DCDC1: variants seen among roughly 807,000 people sequenced by gnomAD.
DCDC1 encodes the protein doublecortin domain containing 1, also known as doublecortin domain-containing protein 1.
A neutral mutation model predicts 178.3 loss-of-function variants in DCDC1; 200 were observed. That is an observed-to-expected ratio of 1.12 (90% CI 1.00 to 1.26). The LOEUF (loss-of-function observed/expected upper bound fraction) is 1.26, where lower values mean the gene tolerates loss of function less well. DCDC1 is among the 50% of genes most tolerant of loss of function. DCDC1 has a pLI of 0.00. For missense variants in DCDC1, 1,983 were observed against 1,749.2 expected (o/e 1.13, Z -2.38); for synonymous variants, 690 against 604.8 (o/e 1.14, Z -2.07).
chr11:31,268,856 T>C (rs1208253859), intron 7 of DCDC1, among the ~76,000 whole-genome samples: 1 of 152,204 alleles, frequency 6.6e-6, no homozygotes, highest in Admixed American at 6.5e-5. Context: ...GCGTTCCTTT[T>C]CTCCACAGCC....
At chr11:31,102,931 C>T (rs182107550) in intron 14 of DCDC1, among the ~76,000 whole-genome samples, 10 of 152,270 alleles carry the variant, frequency 6.6e-5, no homozygotes, top group Admixed American at 4.6e-4. Flanking sequence ...CATGTACCAG[C>T]TGTGTGACTT....
Position 31,250,415 on chromosome 11 carries a change from C to CACACACACACACACAT in DCDC1, c.1055-8800_1055-8799insATGTGTGTGTGTGTGT, listed in dbSNP as rs1223526182. On this transcript the variant is annotated intron_variant, in intron 8 of 38. Coordinates refer to ENST00000684477, the MANE Select transcript of DCDC1 (RefSeq NM_001387274.1). The stretch of plus-strand genomic sequence containing the variant: ...ACACACACACACACACACACACACA[C>CACACACACACACACAT]ATATACATATATATGTATATATATA... 6.8e-5 allele frequency among the ~76,000 whole-genome samples: 5 copies of CACACACACACACACAT among 73,672 alleles called. 1 individual carries two copies. Among genetic ancestry groups the CACACACACACACACAT allele is most frequent in the Non-Finnish European group, 1.1e-4 (4 of 35,340 alleles). The allele number at this position is 73,672 out of a possible 152,430, so 48.3% of individuals were successfully genotyped here.
At chr11:30,985,680 G>A (rs2134854303) in intron 20 of DCDC1, among the ~76,000 whole-genome samples, 1 of 152,210 alleles carries the variant, frequency 6.6e-6, no homozygotes, top group East Asian at 1.9e-4. Flanking sequence ...CACTGAGGAA[G>A]GTGGGGCCCA....
chr11:31,135,140 C>T (rs1019624487), intron 10 of DCDC1, among the ~76,000 whole-genome samples: 1 of 152,162 alleles, frequency 6.6e-6, no homozygotes, highest in African/African-American at 2.4e-5. Flanking sequence ...TAAGATAAAA[C>T]TGTAGGCAGT....
chr11:31,188,479 G>T (rs767776385), intron 9 of DCDC1, among the ~76,000 whole-genome samples: 2 of 152,066 alleles, frequency 1.3e-5, no homozygotes, highest in African/African-American at 2.4e-5. Context: ...AGACAACAAG[G>T]GCGTACGTAA....
intron 3 of DCDC1, among the ~76,000 whole-genome samples, chr11:31,310,503 T>C (rs1416838941): frequency 2.0e-5 from 3 of 151,804 alleles, no homozygotes; most frequent in African/African-American, 7.3e-5. Context: ...GTATTTTTAG[T>C]AGAGACGGTG....
chr11:31,061,245 T>C (rs1200823429), intron 20 of DCDC1, among the ~76,000 whole-genome samples: 1 of 152,102 alleles, frequency 6.6e-6, no homozygotes, highest in Non-Finnish European at 1.5e-5. Context: ...TCCCAGTCCT[T>C]CTCCACCCCC....
At chr11:31,076,335 CTTAAT>C (rs972710106) in intron 18 of DCDC1, among the ~76,000 whole-genome samples, 68 of 151,624 alleles carry the variant, frequency 4.5e-4, no homozygotes, top group African/African-American at 1.5e-3. Flanking sequence ...GTTCTGTTTA[CTTAAT>C]TTAATTTAAT....
At chr11:30,979,195 A>G (rs889265667) in intron 20 of DCDC1, among the ~76,000 whole-genome samples, 3 of 152,118 alleles carry the variant, frequency 2.0e-5, no homozygotes, top group Admixed American at 2.0e-4. Context: ...CAAGTACATC[A>G]TCACACTTCG....
At chr11:31,026,554 A>T (rs780832146) in intron 20 of DCDC1, among the ~76,000 whole-genome samples, 1 of 151,836 alleles carries the variant, frequency 6.6e-6, no homozygotes. Flanking sequence ...TGACTGTACA[A>T]ATTCTTATGA....
intron 10 of DCDC1, among the ~76,000 whole-genome samples, chr11:31,131,969 T>C (rs1476662381): frequency 6.6e-6 from 1 of 152,180 alleles, no homozygotes; most frequent in East Asian, 1.9e-4. Flanking sequence ...CAACCAACCA[T>C]ACAATTGATG....
chr11:31,123,537 T>C (rs78198546), intron 11 of DCDC1, among the ~76,000 whole-genome samples: 2,871 of 151,716 alleles, frequency 0.019, 92 homozygotes, highest in African/African-American at 0.066. Context: ...GATGGAAACA[T>C]TGGTATCTTA....
intron 36 of DCDC1, among the ~76,000 whole-genome samples, chr11:30,885,158 A>G (rs1333402904): frequency 6.6e-6 from 1 of 151,974 alleles, no homozygotes; most frequent in African/African-American, 2.4e-5. Context: ...AAAAAATATT[A>G]GTCAGTGAAT....
chr11:30,989,104 C>T (rs954336393), intron 20 of DCDC1, among the ~76,000 whole-genome samples: 18 of 151,850 alleles, frequency 1.2e-4, no homozygotes, highest in South Asian at 8.3e-4. Flanking sequence ...CCCTGGCATA[C>T]GTGACATTTA....
chr11:30,927,134 G>T (rs1008368237), intron 22 of DCDC1, among the ~76,000 whole-genome samples: 1 of 151,936 alleles, frequency 6.6e-6, no homozygotes, highest in Non-Finnish European at 1.5e-5. Flanking sequence ...TTGGATTTTT[G>T]TCTCATTTTC....
At chr11:31,195,148 C>G (rs1228829695) in intron 9 of DCDC1, among the ~76,000 whole-genome samples, 2 of 152,000 alleles carry the variant, frequency 1.3e-5, no homozygotes. Flanking sequence ...GAAGTCAAAG[C>G]CAGCAGTCTC....
At chr11:31,129,699 C>T (rs1175972798) in intron 10 of DCDC1, among the ~76,000 whole-genome samples, 1 of 151,992 alleles carries the variant, frequency 6.6e-6, no homozygotes, top group Non-Finnish European at 1.5e-5. Flanking sequence ...CCCCTCATCC[C>T]CCTCCCCAGT....
At chr11:30,912,548 G>T (rs1056416907) in intron 27 of DCDC1, among the ~76,000 whole-genome samples, 1 of 152,174 alleles carries the variant, frequency 6.6e-6, no homozygotes, top group Non-Finnish European at 1.5e-5. Context: ...CTCCCAAAGT[G>T]CTGGGATTAC....
rs148933787 is a variant in DCDC1 at position 31,050,141 on chromosome 11, C to G, written c.2591+14328G>C. Among the ~76,000 whole-genome samples, 28 of 152,240 alleles carry G rather than the reference C, an allele frequency of 1.8e-4. No homozygotes were observed. The East Asian group carries it at 2.3e-3, about 13-fold the overall frequency. On this transcript the variant is annotated intron_variant, in intron 20 of 38. Transcript: ENST00000684477. Reference sequence around the variant, plus strand: ...AGTCCATCTCGCCCTCATCTGCAAACGGACTCAGGGCTGTTGGGGGTGGGC... The same window carrying G: ...AGTCCATCTCGCCCTCATCTGCAAAGGGACTCAGGGCTGTTGGGGGTGGGC...
Sources: gnomAD v4.1 joint callset for allele counts (sites outside exome capture counted in the v4.1 genomes callset) on GRCh38, gnomAD v4.1.1 for gene constraint, MANE v1.5 for transcripts, NCBI Gene and HGNC (gene_info 2026-07-23, HGNC 2026-07-21) for gene names.